PPP1R14C: variants seen among roughly 807,000 people sequenced by gnomAD.
The protein encoded by PPP1R14C is protein phosphatase 1 regulatory inhibitor subunit 14C.
A neutral mutation model predicts 20.4 loss-of-function variants in PPP1R14C; 16 were observed. The observed-to-expected ratio is 0.78, with a 90% CI of 0.53 to 1.19. The LOEUF (loss-of-function observed/expected upper bound fraction) is 1.19. PPP1R14C is among the 50% of genes most tolerant of loss of function. PPP1R14C has a pLI of 0.00. For synonymous variants in PPP1R14C, 91 were observed against 91.0 expected (o/e 1.00, Z 0.00); for missense variants, 211 against 220.1 (o/e 0.96, Z 0.26).
At chr6:150,169,399 A>G (rs1207902203) in intron 1 of PPP1R14C, among the ~76,000 whole-genome samples, 2 of 152,240 alleles carry the variant, frequency 1.3e-5, no homozygotes, top group African/African-American at 4.8e-5. Context: ...AATTAAAAAT[A>G]GAAACAATAA....
intron 3 of PPP1R14C, among the ~76,000 whole-genome samples, chr6:150,229,298 A>T (rs1582929203): frequency 6.6e-6 from 1 of 152,240 alleles, no homozygotes; most frequent in Non-Finnish European, 1.5e-5. Flanking sequence ...AGTTATTTAT[A>T]CTTTAGTTCC....
chr6:150,163,289 G>C (rs1252362255), intron 1 of PPP1R14C, among the ~76,000 whole-genome samples: 1 of 152,186 alleles, frequency 6.6e-6, no homozygotes, highest in Non-Finnish European at 1.5e-5. Context: ...TACTCGGGAG[G>C]CTGAGGCAGG....
intron 1 of PPP1R14C, among the ~76,000 whole-genome samples, chr6:150,169,182 A>G (rs1003158813): frequency 1.3e-5 from 2 of 152,230 alleles, no homozygotes; most frequent in African/African-American, 2.4e-5. Flanking sequence ...CAGCCTCAAT[A>G]TAAAATTATC....
At chr6:150,151,089 A>G (rs1777241666) in intron 1 of PPP1R14C, among the ~76,000 whole-genome samples, 1 of 151,196 alleles carries the variant, frequency 6.6e-6, no homozygotes, top group South Asian at 2.1e-4. Context: ...TTTGGATGAT[A>G]AGACCCTTCC....
intron 3 of PPP1R14C, among the ~76,000 whole-genome samples, chr6:150,231,483 C>T (rs1230242974): frequency 2.0e-5 from 3 of 152,154 alleles, no homozygotes; most frequent in Non-Finnish European, 4.4e-5. Context: ...CTAGTTTTTT[C>T]CTCACTCAGT....
At chr6:150,214,379 C>A (rs1778064143) in intron 1 of PPP1R14C, among the ~76,000 whole-genome samples, 1 of 152,158 alleles carries the variant, frequency 6.6e-6, no homozygotes, top group Admixed American at 6.5e-5. Flanking sequence ...GTAGAAAATT[C>A]TCATTTTTTG....
At chr6:150,175,956 A>G (rs1294456122) in intron 1 of PPP1R14C, among the ~76,000 whole-genome samples, 1 of 152,222 alleles carries the variant, frequency 6.6e-6, no homozygotes, top group Non-Finnish European at 1.5e-5. Flanking sequence ...CTCCCTGGTA[A>G]CAGGATCTCT....
chr6:150,154,375 T>A (rs768917177), intron 1 of PPP1R14C, among the ~76,000 whole-genome samples: 4 of 152,232 alleles, frequency 2.6e-5, no homozygotes, highest in African/African-American at 9.6e-5. Flanking sequence ...GGAATGGCCC[T>A]TGCCTGTGAG....
chr6:150,148,343 G>A (rs1403997081), intron 1 of PPP1R14C, among the ~76,000 whole-genome samples: 3 of 152,200 alleles, frequency 2.0e-5, no homozygotes, highest in African/African-American at 4.8e-5. Flanking sequence ...GAACAAGGCT[G>A]TGGCCAGGGA....
rs1276351543 is a variant in PPP1R14C at position 150,143,896 on chromosome 6, C to T, written c.306+398C>T. ...GGGATACAGCAGCCAAAGAGAGCAGCGCTCACTGCTGGGATCCGGGCAGCC... is the reference window on the plus strand; with the variant it reads ...GGGATACAGCAGCCAAAGAGAGCAGTGCTCACTGCTGGGATCCGGGCAGCC... On this transcript the variant is annotated intron_variant, in intron 1 of 3. Transcript: ENST00000361131. The surrounding 1 kb of genome is among the most constrained non-coding windows in gnomAD (Gnocchi z 5.6). Among the ~76,000 whole-genome samples the T allele has an allele frequency of 1.2e-4, 18 of 152,178 alleles. No homozygotes were observed. Among genetic ancestry groups the T allele is most frequent in the Admixed American group, 1.2e-3 (18 of 15,284 alleles).
intron 1 of PPP1R14C, among the ~76,000 whole-genome samples, chr6:150,150,254 T>C (rs1034237679): frequency 2.9e-5 from 3 of 101,994 alleles, no homozygotes; most frequent in African/African-American, 1.2e-4. Context: ...AAAATACACC[T>C]TTCTTCATTG....
intron 1 of PPP1R14C, among the ~76,000 whole-genome samples, chr6:150,198,716 C>T (rs1037982307): frequency 6.6e-5 from 10 of 152,186 alleles, no homozygotes; most frequent in South Asian, 2.1e-4. Flanking sequence ...TGACATAGTC[C>T]GGGCAGCCCC....
chr6:150,173,632 T>C (rs1408328385), intron 1 of PPP1R14C, among the ~76,000 whole-genome samples: 2 of 152,244 alleles, frequency 1.3e-5, no homozygotes, highest in African/African-American at 2.4e-5. Flanking sequence ...GATGAGTCTC[T>C]TTAACTCTGT....
In PPP1R14C at chr6:150,211,647, C is replaced by T. The variant is rs1398709234; in HGVS notation, c.307-3097C>T. Among the ~76,000 whole-genome samples the T allele has an allele frequency of 2.6e-5, 4 of 152,308 alleles. No individual in the cohort carries two copies. The East Asian group carries it at 5.8e-4, about 22-fold the overall frequency. On this transcript the variant is annotated intron_variant, in intron 1 of 3. Coordinates refer to ENST00000361131, the MANE Select transcript of PPP1R14C (RefSeq NM_030949.3). ...AAATTTAGAATATTTCCATACTTCT[C>T]ATTAAGAATATTAAGTACCAATTTA... is the stretch of plus-strand genomic sequence containing the variant.
intron 1 of PPP1R14C, among the ~76,000 whole-genome samples, chr6:150,156,004 G>A (rs1582895629): frequency 8.8e-6 from 1 of 113,324 alleles, no homozygotes; most frequent in African/African-American, 3.4e-5. Context: ...CAGCCTGGGT[G>A]ACAGAGTGAG....
At chr6:150,232,404 CA>C (rs1778306099) in intron 3 of PPP1R14C, among the ~76,000 whole-genome samples, 1 of 152,102 alleles carries the variant, frequency 6.6e-6, no homozygotes, top group Non-Finnish European at 1.5e-5. Context: ...CTTTTGTGTA[CA>C]GAAGTTTTAA....
In PPP1R14C at chr6:150,190,004, G is replaced by A. The variant is rs115177377; in HGVS notation, c.307-24740G>A. On this transcript the variant is annotated intron_variant, in intron 1 of 3. Transcript: ENST00000361131. ...CCTTCAGCAAGGCTTTCTTAGGTGC[G>A]TAGCCTGCCCTTGATTCCAACTTGT... Among the ~76,000 whole-genome samples the A allele has an allele frequency of 1.7e-3, 261 of 152,234 alleles. 1 individual carries two copies. Among genetic ancestry groups the A allele is most frequent in the African/African-American group, 5.7e-3 (236 of 41,550 alleles).
chr6:150,178,882 G>A (rs1777591087), intron 1 of PPP1R14C, among the ~76,000 whole-genome samples: 2 of 152,216 alleles, frequency 1.3e-5, no homozygotes, highest in Admixed American at 6.5e-5. Context: ...GATCTGTGTA[G>A]CTCTTGGATG....
Position 150,214,814 on chromosome 6 carries a change from C to T in PPP1R14C, c.377C>T (p.Ala126Val). ...GATGCAGACAGTGATGAAGAGAGAG[C>T]TTCAAAATTACAGGTAAGCAGTTTC... ...LLDADSDEER[A>V]SKLQEALVDC... Residue 126 changes from alanine (A) to valine (V), a missense_variant, in exon 2 of 4, where the codon GCT (alanine) becomes GTT (valine). Physicochemically the swap from Ala to Val is moderately conservative, Grantham distance 64. Coordinates refer to ENST00000361131, the MANE Select transcript of PPP1R14C (RefSeq NM_030949.3). The T allele has an allele frequency of 6.2e-7, 1 of 1,609,924 alleles. No homozygotes were observed. The highest frequency in any genetic ancestry group is 8.5e-7 in the Non-Finnish European group (1 of 1,178,002).
Sources: allele counts gnomAD v4.1 joint callset (sites outside exome capture counted in the v4.1 genomes callset), GRCh38; gene constraint gnomAD v4.1.1; non-coding constraint Gnocchi (gnomAD v3.1); transcripts MANE v1.5; gene names NCBI Gene and HGNC (gene_info 2026-07-23, HGNC 2026-07-21).